Variants in CDH12 observed in about 807,000 individuals in gnomAD.
CDH12 encodes the protein cadherin 12, also known as cadherin-12.
In CDH12, 41 loss-of-function variants were observed where a neutral mutation model predicts 74.1. That is an observed-to-expected ratio of 0.55 (90% CI 0.43 to 0.72). The LOEUF (loss-of-function observed/expected upper bound fraction) is 0.72, where lower values mean the gene tolerates loss of function less well. Ranked by LOEUF, CDH12 falls within the 30% of genes least tolerant of loss-of-function variation. The pLI is 0.00. For synonymous variants in CDH12, 399 were observed against 355.0 expected (o/e 1.12, Z -1.39); for missense variants, 945 against 977.2 (o/e 0.97, Z 0.44).
At chr5:22,685,105 T>C (rs563089678) in intron 1 of CDH12, among the ~76,000 whole-genome samples, 20 of 152,346 alleles carry the variant, frequency 1.3e-4, no homozygotes, top group African/African-American at 4.8e-4. Flanking sequence ...TTTTTGTTTT[T>C]AGTAGCTTTA....
At chr5:22,324,498 A>G (rs1344463398) in intron 3 of CDH12, among the ~76,000 whole-genome samples, 1 of 152,004 alleles carries the variant, frequency 6.6e-6, no homozygotes, top group Non-Finnish European at 1.5e-5. Context: ...TTACTAAGTT[A>G]TCATGGTTGT....
intron 5 of CDH12, among the ~76,000 whole-genome samples, chr5:22,057,241 A>C (rs2150200761): frequency 6.6e-6 from 1 of 152,328 alleles, no homozygotes; most frequent in Non-Finnish European, 1.5e-5. Context: ...TTACAAAAAG[A>C]GGCAGCAGGC....
chr5:22,390,541 A>G lies in CDH12; in HGVS notation c.-333+14716T>C, dbSNP rs181095823. The stretch of plus-strand genomic sequence containing the variant: ...TTTGTACATGTAATATTACTTTTCA[A>G]ATTCCAAAAGCCTTGATTACATGGA... On this transcript the variant is annotated intron_variant, in intron 3 of 14. Transcript: ENST00000382254. 1.3e-4 allele frequency among the ~76,000 whole-genome samples: 20 copies of G among 152,000 alleles called. No individual in the cohort carries two copies. In the East Asian group the frequency reaches 3.9e-3, roughly 29 times the overall value.
At chr5:22,441,099 A>C (rs974226244) in intron 2 of CDH12, among the ~76,000 whole-genome samples, 1 of 152,148 alleles carries the variant, frequency 6.6e-6, no homozygotes, top group Non-Finnish European at 1.5e-5. Flanking sequence ...AGGGCCTACT[A>C]TTCACTATGT....
At chr5:22,806,917 T>C in intron 1 of CDH12, among the ~76,000 whole-genome samples, 1 of 152,234 alleles carries the variant, frequency 6.6e-6, no homozygotes, top group Non-Finnish European at 1.5e-5. Flanking sequence ...TCCCATTCTG[T>C]AAGTTGCCTA....
At chr5:22,067,142 T>C (rs888141690) in intron 5 of CDH12, among the ~76,000 whole-genome samples, 1 of 152,198 alleles carries the variant, frequency 6.6e-6, no homozygotes, top group African/African-American at 2.4e-5. Context: ...CCTTTTCTTT[T>C]ACAAGACATC....
At chr5:22,696,928 G>GA (rs1341350300) in intron 1 of CDH12, among the ~76,000 whole-genome samples, 1 of 151,408 alleles carries the variant, frequency 6.6e-6, no homozygotes, top group Non-Finnish European at 1.5e-5. Context: ...CTCTAGCACT[G>GA]AAACCAAGTA....
At chr5:22,789,987 C>A (rs971259273) in intron 1 of CDH12, among the ~76,000 whole-genome samples, 2 of 151,914 alleles carry the variant, frequency 1.3e-5, no homozygotes, top group Non-Finnish European at 2.9e-5. Context: ...ATAAAAATGA[C>A]ATAAAAGAAA....
At chr5:21,967,710 T>C (rs1756648033) in intron 6 of CDH12, among the ~76,000 whole-genome samples, 1 of 152,150 alleles carries the variant, frequency 6.6e-6, no homozygotes, top group South Asian at 2.1e-4. Flanking sequence ...ACACAAAAAG[T>C]GTCAATAGCA....
intron 1 of CDH12, among the ~76,000 whole-genome samples, chr5:22,687,721 C>T (rs1741886206): frequency 2.6e-5 from 4 of 152,118 alleles, no homozygotes; most frequent in African/African-American, 9.7e-5. Flanking sequence ...GGCTCATGCT[C>T]CACACATATT....
intron 1 of CDH12, among the ~76,000 whole-genome samples, chr5:22,678,046 G>GT (rs1554058351): frequency 3.4e-5 from 4 of 118,964 alleles, no homozygotes; most frequent in Non-Finnish European, 5.0e-5. Context: ...CATCCTCATG[G>GT]GGGGGGGGGT....
chr5:22,631,456 T>TAA (rs35914836), intron 1 of CDH12, among the ~76,000 whole-genome samples: 15 of 151,712 alleles, frequency 9.9e-5, no homozygotes, highest in African/African-American at 2.4e-4. Context: ...TTTGCAGCCT[T>TAA]AAAAAAAATG....
intron 1 of CDH12, among the ~76,000 whole-genome samples, chr5:22,655,241 A>T (rs1429019325): frequency 1.3e-5 from 2 of 152,172 alleles, no homozygotes; most frequent in African/African-American, 4.8e-5. Flanking sequence ...TGTTTAGACG[A>T]TGGCAACATC....
chr5:22,006,596 CT>C (rs2150148802), intron 5 of CDH12, among the ~76,000 whole-genome samples: 1 of 152,112 alleles, frequency 6.6e-6, no homozygotes, highest in African/African-American at 2.4e-5. Context: ...TGTCTGAAGG[CT>C]TTAGTGAGTT....
intron 1 of CDH12, among the ~76,000 whole-genome samples, chr5:22,777,268 TC>T (rs1353851284): frequency 6.6e-6 from 1 of 152,162 alleles, no homozygotes; most frequent in Non-Finnish European, 1.5e-5. Flanking sequence ...GTGACACAAA[TC>T]TTCATTGCAT....
chr5:22,540,727 C>G (rs1738064822), intron 1 of CDH12, among the ~76,000 whole-genome samples: 1 of 152,116 alleles, frequency 6.6e-6, no homozygotes, highest in Non-Finnish European at 1.5e-5. Context: ...TTCAGGTGTA[C>G]AGCCCCTGCA....
chr5:21,911,602 T>A (rs567761018), intron 6 of CDH12, among the ~76,000 whole-genome samples: 39 of 152,168 alleles, frequency 2.6e-4, no homozygotes, highest in African/African-American at 8.4e-4. Flanking sequence ...CTTATAAGAA[T>A]TCATAAAATA....
chr5:22,341,149 A>C (rs1285084091), intron 3 of CDH12, among the ~76,000 whole-genome samples: 2 of 152,214 alleles, frequency 1.3e-5, no homozygotes, highest in African/African-American at 4.8e-5. Flanking sequence ...AATTATCAGG[A>C]ATCCTGGTGT....
chr5:22,611,493 G>A (rs77525571), intron 1 of CDH12, among the ~76,000 whole-genome samples: 1,642 of 152,150 alleles, frequency 0.011, 35 homozygotes, highest in African/African-American at 0.038. Flanking sequence ...AGTTTGAGAA[G>A]TTTAACAAAG....
Sources: allele counts gnomAD v4.1 joint callset (sites outside exome capture counted in the v4.1 genomes callset), GRCh38; gene constraint gnomAD v4.1.1; transcripts MANE v1.5; gene names NCBI Gene and HGNC (gene_info 2026-07-23, HGNC 2026-07-21).